GARS1: variants seen among roughly 807,000 people sequenced by gnomAD.
GARS1 encodes glycine--tRNA ligase.
Under a neutral mutation model 86.4 loss-of-function variants are expected in GARS1, and 46 were observed. The ratio of observed to expected loss-of-function variants is 0.53; its 90% confidence interval spans 0.42 to 0.68. GARS1 has a LOEUF of 0.68. Among genes scored for constraint, GARS1 ranks in the 30% least tolerant of loss-of-function variants. The pLI, the probability that GARS1 is intolerant of heterozygous loss-of-function variation, is 0.00. For synonymous variants in GARS1, 342 were observed against 329.8 expected (o/e 1.04, Z -0.40); for missense variants, 797 against 915.6 (o/e 0.87, Z 1.67).
In GARS1 at chr7:30,632,047, A is replaced by T. The variant is rs549610582; in HGVS notation, c.1904-200A>T. The T allele has an allele frequency of 4.8e-5, 29 of 604,772 alleles. No individual in the cohort carries two copies. The African/African-American group carries it at 5.0e-4, about 10-fold the overall frequency. 37.5% of individuals were successfully genotyped at this position (604,772 alleles called of 1,614,324 possible). On this transcript the variant is annotated intron_variant, in intron 15 of 16. Coordinates refer to ENST00000389266, the MANE Select transcript of GARS1 (RefSeq NM_002047.4). This position sits in a 1 kb window ranked among gnomAD's most constrained non-coding sequence, Gnocchi z 4.1. ...TTTGTTCCCCCTATAGCTGTATCAG[A>T]TGGAGGTATGAGTGAAGATTTGGAT...
chr7:30,623,065 C>T (rs1783049974), intron 12 of GARS1, among the ~76,000 whole-genome samples: 1 of 146,790 alleles, frequency 6.8e-6, no homozygotes, highest in Non-Finnish European at 1.5e-5. Context: ...CGTGCCACTG[C>T]ACTCCAGCCT....
At chr7:30,628,187 T>A (rs991788053) in intron 13 of GARS1, among the ~76,000 whole-genome samples, 1 of 151,186 alleles carries the variant, frequency 6.6e-6, no homozygotes, top group Non-Finnish European at 1.5e-5. Flanking sequence ...TCTTTTCTTT[T>A]CTTTTTTTTT....
At chr7:30,609,555 T>C (rs1791553424) in intron 6 of GARS1, 30 bp from the exon 7 acceptor site, 2 of 1,599,242 alleles carry the variant, frequency 1.3e-6, no homozygotes, top group Non-Finnish European at 1.7e-6. Flanking sequence ...TTCTCTGTCT[T>C]TTACACTAAT....
chr7:30,603,214 C>T (rs1479798493), intron 5 of GARS1, 92 bp downstream of exon 5: 6 of 1,088,320 alleles, frequency 5.5e-6, no homozygotes, highest in Non-Finnish European at 8.4e-6. Context: ...TTTATTGAGG[C>T]ATAACATTCA....
intron 10 of GARS1, 67 bp downstream of exon 10, chr7:30,617,345 AT>A: frequency 6.5e-7 from 1 of 1,537,646 alleles, no homozygotes; most frequent in South Asian, 1.1e-5. Context: ...TACCAAATGA[AT>A]TTTTGTGCAC....
chr7:30,617,994 GACTTTA>G (rs1224477569), intron 10 of GARS1, among the ~76,000 whole-genome samples: 1 of 152,192 alleles, frequency 6.6e-6, no homozygotes, highest in Non-Finnish European at 1.5e-5. Context: ...CATAGAAAGA[GACTTTA>G]GTCCAGGGGT....
chr7:30,614,447 G>C lies in GARS1; in HGVS notation c.1032-1449G>C, dbSNP rs147887453. ...TGCTGTCAGCCCAATTATAAGCTAT[G>C]TGAGGACAAACACCATGTTTGTTTC... is the stretch of plus-strand genomic sequence containing the variant. On this transcript the variant is annotated intron_variant, in intron 8 of 16. Transcript: ENST00000389266. 3.0e-4 allele frequency among the ~76,000 whole-genome samples: 45 copies of C among 152,302 alleles called. No individual in the cohort carries two copies. The East Asian group carries it at 6.2e-3, about 21-fold the overall frequency.
At chr7:30,631,607 T>A (rs887351829) in intron 15 of GARS1, 66 bp downstream of exon 15, 1 of 993,976 alleles carries the variant, frequency 1.0e-6, no homozygotes, top group Non-Finnish European at 1.6e-6. Context: ...TTAGGAAATG[T>A]ATCATTTATT....
intron 4 of GARS1, among the ~76,000 whole-genome samples, chr7:30,602,739 G>T (rs1018980189): frequency 6.6e-6 from 1 of 152,210 alleles, no homozygotes; most frequent in Non-Finnish European, 1.5e-5. Flanking sequence ...TGGATTAATT[G>T]ATCCTGAAGA....
At chr7:30,598,968 G>A in intron 2 of GARS1, 71 bp downstream of exon 2, 1 of 1,227,370 alleles carries the variant, frequency 8.1e-7, no homozygotes, top group Non-Finnish European at 1.2e-6. Flanking sequence ...TCTTTGGATG[G>A]GAGAGACCTA....
At chr7:30,624,017 C>T (rs542692243) in intron 12 of GARS1, among the ~76,000 whole-genome samples, 1 of 152,300 alleles carries the variant, frequency 6.6e-6, no homozygotes, top group East Asian at 1.9e-4. Flanking sequence ...GTTCAACCTG[C>T]GGCCTGCAGG....
At chr7:30,603,311 A>C (rs529064034) in intron 5 of GARS1, among the ~76,000 whole-genome samples, 185 bp from the exon 6 acceptor site, 43 of 152,254 alleles carry the variant, frequency 2.8e-4, no homozygotes, top group Admixed American at 1.2e-3. Context: ...TTATATACAG[A>C]TAATTTTTCT....
At position 30,629,375 on chromosome 7, in the gene GARS1, C is replaced by G. The variant is rs143465826; in HGVS notation, c.1809+706C>G. On this transcript the variant is annotated intron_variant, in intron 14 of 16. Transcript: ENST00000389266. ...GTCTGATGCTTCTGAATCACTGCTC[C>G]TTGCCTTCTTCCTCTTTATCTCCTT... Among the ~76,000 whole-genome samples, 360 of 152,278 alleles carry G rather than the reference C, an allele frequency of 2.4e-3. 3 individuals are homozygous for G. Among genetic ancestry groups the G allele is most frequent in the South Asian group, 0.012 (57 of 4,820 alleles).
In GARS1 at chr7:30,631,399, A is replaced by T. The variant is rs368126645; in HGVS notation, c.1810-49A>T. The T allele has an allele frequency of 1.3e-4, 179 of 1,404,196 alleles. No individual in the cohort carries two copies. The African/African-American group carries it at 1.7e-3, about 13-fold the overall frequency. 87.0% of individuals were successfully genotyped at this position (1,404,196 alleles called of 1,614,324 possible). A position where few individuals can be genotyped will look rare whatever the true frequency, so the allele number is the denominator to read the frequency against. On this transcript the variant is annotated intron_variant, in intron 14 of 16. Coordinates refer to ENST00000389266, the MANE Select transcript of GARS1 (RefSeq NM_002047.4). The stretch of plus-strand genomic sequence containing the variant: ...TTTGGTTTGGGATATTAGCATTTAG[A>T]TATTTACAAATTAACATATTTGGAT...
Position 30,602,034 on chromosome 7 carries a change from G to A in GARS1, c.569+834G>A, listed in dbSNP as rs376045934. ...CCTGACCTCGTGATCCGCCCGCCTCGGCCTCCCAAAGTAGGGCAGAATTTC... is the reference window on the plus strand; with the variant it reads ...CCTGACCTCGTGATCCGCCCGCCTCAGCCTCCCAAAGTAGGGCAGAATTTC... On this transcript the variant is annotated intron_variant, in intron 4 of 16. Transcript: ENST00000389266. Among the ~76,000 whole-genome samples the A allele has an allele frequency of 6.6e-5, 10 of 150,530 alleles. No homozygotes were observed. The East Asian group carries it at 1.8e-3, about 27-fold the overall frequency.
rs1201326531 is a variant in GARS1 at position 30,627,008 on chromosome 7, C to G, written c.1699+689C>G. ...AAAAAAAAAAAAAAGTAATTTAGACCAGTGATGTTGCATGCTTTTTTAAAA... is the reference window on the plus strand; with the variant it reads ...AAAAAAAAAAAAAAGTAATTTAGACGAGTGATGTTGCATGCTTTTTTAAAA... On this transcript the variant is annotated intron_variant, in intron 13 of 16. Coordinates refer to ENST00000389266, the MANE Select transcript of GARS1 (RefSeq NM_002047.4). The G allele has an allele frequency of 6.9e-6, 3 of 436,718 alleles. No homozygotes were observed. In the Admixed American group the frequency reaches 8.7e-5, roughly 13 times the overall value. 27.1% of individuals were successfully genotyped at this position (436,718 alleles called of 1,614,324 possible). A position where few individuals can be genotyped will look rare whatever the true frequency, so the allele number is the denominator to read the frequency against.
chr7:30,622,683 A>G (rs1783040122), intron 12 of GARS1: 1 of 528,232 alleles, frequency 1.9e-6, no homozygotes, highest in South Asian at 2.1e-5. Flanking sequence ...TCTTAAACAA[A>G]GAGACTTGTC....
chr7:30,630,144 T>G (rs1584053137), intron 14 of GARS1, among the ~76,000 whole-genome samples: 1 of 152,198 alleles, frequency 6.6e-6, no homozygotes, highest in Admixed American at 6.5e-5. Context: ...ATAAAAACAT[T>G]GCTAGTGAAA....
chr7:30,628,498 G>T, intron 13 of GARS1, 62 bp from the exon 14 acceptor site: 2 of 1,244,168 alleles, frequency 1.6e-6, no homozygotes, highest in Admixed American at 1.7e-5. Context: ...TGTTTAGAGA[G>T]AATCTGAAAT....
Sources: allele counts gnomAD v4.1 joint callset (sites outside exome capture counted in the v4.1 genomes callset), GRCh38; gene constraint gnomAD v4.1.1; non-coding constraint Gnocchi (gnomAD v3.1); transcripts MANE v1.5; gene names NCBI Gene and HGNC (gene_info 2026-07-23, HGNC 2026-07-21).